Variants in ZNF407 observed in about 807,000 individuals in gnomAD.
ZNF407 encodes zinc finger protein 407.
A neutral mutation model predicts 131.2 loss-of-function variants in ZNF407; 17 were observed. That is an observed-to-expected ratio of 0.13 (90% CI 0.09 to 0.19). The LOEUF (loss-of-function observed/expected upper bound fraction) is 0.19, where lower values mean the gene tolerates loss of function less well. Ranked by LOEUF, ZNF407 falls within the 10% of genes least tolerant of loss-of-function variation. The probability of loss-of-function intolerance (pLI) is 1.00; values close to 1 mark genes in which losing one functional copy is unlikely to be tolerated. For synonymous variants in ZNF407, 1,156 were observed against 1,062.0 expected, an observed-to-expected ratio of 1.09 and a Z score of -1.72; for missense variants, 2,681 against 2,830.6, an observed-to-expected ratio of 0.95 and a Z score of 1.20.
At chr18:75,025,321 C>T (rs968976909) in intron 8 of ZNF407, among the ~76,000 whole-genome samples, 16 of 152,154 alleles carry the variant, frequency 1.1e-4, no homozygotes, top group Admixed American at 3.9e-4. Context: ...CTGTTGGAGG[C>T]GCAAAGCCAA....
chr18:74,864,823 T>G (rs1305775570), intron 4 of ZNF407, among the ~76,000 whole-genome samples: 1 of 152,088 alleles, frequency 6.6e-6, no homozygotes, highest in Non-Finnish European at 1.5e-5. Context: ...AAAATACAAG[T>G]GAAATCGTAA....
intron 3 of ZNF407, among the ~76,000 whole-genome samples, chr18:74,718,418 G>C (rs542702567): frequency 6.6e-6 from 1 of 152,066 alleles, no homozygotes; most frequent in South Asian, 2.1e-4. Flanking sequence ...CAGCTACTTG[G>C]GAGGCTGAGG....
intron 1 of ZNF407, among the ~76,000 whole-genome samples, chr18:74,622,898 C>CTGAG (rs148464629): frequency 0.94 from 143,427 of 151,808 alleles, 67,818 homozygotes; most frequent in African/African-American, 0.99. Context: ...AAGTGCGTGT[C>CTGAG]TGTTTTAGTG....
intron 8 of ZNF407, among the ~76,000 whole-genome samples, chr18:75,011,552 C>G (rs1291457927): frequency 6.6e-6 from 1 of 152,044 alleles, no homozygotes; most frequent in Non-Finnish European, 1.5e-5. Flanking sequence ...CAAAGAATCC[C>G]AGTGATAAAA....
chr18:74,975,549 GA>G (rs1972518679), intron 8 of ZNF407, among the ~76,000 whole-genome samples: 1 of 152,124 alleles, frequency 6.6e-6, no homozygotes, highest in Admixed American at 6.5e-5. Flanking sequence ...AATATTCATT[GA>G]AAGTATCTTT....
intron 3 of ZNF407, among the ~76,000 whole-genome samples, chr18:74,666,134 C>T (rs1008042569): frequency 6.6e-6 from 1 of 152,146 alleles, no homozygotes; most frequent in Non-Finnish European, 1.5e-5. Context: ...TGTGTGCACG[C>T]CCCGCAGAAG....
At chr18:75,019,002 A>G (rs886795484) in intron 8 of ZNF407, among the ~76,000 whole-genome samples, 3 of 152,180 alleles carry the variant, frequency 2.0e-5, no homozygotes, top group African/African-American at 7.2e-5. Context: ...AAACACAGGG[A>G]ATAGAATAAT....
intron 3 of ZNF407, among the ~76,000 whole-genome samples, chr18:74,699,648 G>A (rs988277510): frequency 1.3e-5 from 2 of 152,128 alleles, no homozygotes; most frequent in African/African-American, 4.8e-5. Flanking sequence ...TGTCCTGCTT[G>A]CTGGCCTTGG....
chr18:74,913,213 G>A (rs984931747), intron 7 of ZNF407, among the ~76,000 whole-genome samples: 1 of 152,172 alleles, frequency 6.6e-6, no homozygotes, highest in African/African-American at 2.4e-5. Context: ...GTCATGATGC[G>A]ATTGTCATGG....
chr18:74,655,558 A>G (rs959548216), intron 3 of ZNF407, among the ~76,000 whole-genome samples: 1 of 152,132 alleles, frequency 6.6e-6, no homozygotes, highest in Non-Finnish European at 1.5e-5. Flanking sequence ...TAACTGTATG[A>G]TGTCTGAGTA....
intron 7 of ZNF407, among the ~76,000 whole-genome samples, chr18:74,896,074 A>G (rs1004392119): frequency 7.9e-5 from 12 of 152,138 alleles, no homozygotes; most frequent in African/African-American, 2.7e-4. Context: ...ACAGTACACA[A>G]TCTTCCAGAG....
At chr18:74,661,395 T>A (rs991192444) in intron 3 of ZNF407, among the ~76,000 whole-genome samples, 13 of 148,172 alleles carry the variant, frequency 8.8e-5, no homozygotes, top group East Asian at 3.9e-4. Flanking sequence ...TATATATATA[T>A]AATATATTTA....
chr18:74,903,285 C>G (rs1971553540), intron 7 of ZNF407, among the ~76,000 whole-genome samples: 1 of 152,162 alleles, frequency 6.6e-6, no homozygotes, highest in South Asian at 2.1e-4. Context: ...AAGCTTTCAA[C>G]TAGAAAAATA....
intron 8 of ZNF407, among the ~76,000 whole-genome samples, chr18:74,956,455 C>T (rs923129329): frequency 2.0e-5 from 3 of 152,146 alleles, no homozygotes; most frequent in Non-Finnish European, 2.9e-5. Flanking sequence ...AAACTGTACT[C>T]ATTTTGTTTT....
rs117255643 is a variant in ZNF407, at chr18:74,638,940, G to A, written c.4688-2068G>A. Among the ~76,000 whole-genome samples, 102 of 152,088 alleles carry A rather than the reference G, an allele frequency of 6.7e-4. 1 individual carries two copies. The East Asian group carries it at 0.018, about 27-fold the overall frequency. ...CTTTTTTTTTCTTTAATGCGGAGAA[G>A]TATTACCTCTGCTAGTATTTGAATT... On this transcript the variant is annotated intron_variant, in intron 2 of 8. Coordinates refer to ENST00000299687, the MANE Select transcript of ZNF407 (RefSeq NM_017757.3).
intron 4 of ZNF407, among the ~76,000 whole-genome samples, chr18:74,826,539 A>G (rs1239776865): frequency 6.6e-6 from 1 of 152,202 alleles, no homozygotes; most frequent in Non-Finnish European, 1.5e-5. Context: ...CCCATGTCAT[A>G]TCTACATTTG....
intron 3 of ZNF407, among the ~76,000 whole-genome samples, chr18:74,719,469 A>G (rs902187082): frequency 3.9e-5 from 6 of 152,264 alleles, no homozygotes; most frequent in East Asian, 1.9e-4. Context: ...GCGCGATCTC[A>G]GCTCACTGCA....
At chr18:75,049,814 A>G (rs1487900407) in intron 8 of ZNF407, among the ~76,000 whole-genome samples, 2 of 152,156 alleles carry the variant, frequency 1.3e-5, no homozygotes, top group African/African-American at 4.8e-5. Flanking sequence ...CTATTTGTCA[A>G]TGTTTCTGTT....
intron 7 of ZNF407, among the ~76,000 whole-genome samples, chr18:74,919,566 T>A (rs1033381178): frequency 2.0e-5 from 3 of 152,198 alleles, no homozygotes; most frequent in African/African-American, 7.2e-5. Flanking sequence ...GGCATTTAAT[T>A]TTGGTCTGTA....
Sources: allele counts gnomAD v4.1 joint callset (sites outside exome capture counted in the v4.1 genomes callset), GRCh38; gene constraint gnomAD v4.1.1; transcripts MANE v1.5; gene names NCBI Gene and HGNC (gene_info 2026-07-23, HGNC 2026-07-21).